SPINK5: variants seen among roughly 807,000 people sequenced by gnomAD.
SPINK5 encodes the protein serine peptidase inhibitor Kazal type 5, also known as serine protease inhibitor Kazal-type 5.
In SPINK5, 125 loss-of-function variants were observed where a neutral mutation model predicts 151.8. The observed-to-expected ratio is 0.82, with a 90% CI of 0.71 to 0.96. The LOEUF is 0.96. Among genes scored for constraint, SPINK5 ranks in the 40% least tolerant of loss-of-function variants. The probability of loss-of-function intolerance (pLI) is 0.00; values close to 1 mark genes in which losing one functional copy is unlikely to be tolerated. For missense variants in SPINK5, 1,194 were observed against 1,291.9 expected (o/e 0.92, Z 1.16); for synonymous variants, 374 against 395.3 (o/e 0.95, Z 0.64).
chr5:148,113,680 C>T (rs1238860297), intron 20 of SPINK5, among the ~76,000 whole-genome samples: 1 of 152,154 alleles, frequency 6.6e-6, no homozygotes, highest in Non-Finnish European at 1.5e-5. Context: ...AAAGAAGTAT[C>T]GCCCTGGAAC....
chr5:148,101,565 T>C, intron 14 of SPINK5, 129 bp downstream of exon 14: 1 of 1,024,390 alleles, frequency 9.8e-7, no homozygotes, highest in South Asian at 1.3e-5. Flanking sequence ...ATATGTGTTT[T>C]CATGTGTGCA....
At chr5:148,083,138 T>C (rs1753063822) in intron 4 of SPINK5, among the ~76,000 whole-genome samples, 1 of 151,512 alleles carries the variant, frequency 6.6e-6, no homozygotes, top group Non-Finnish European at 1.5e-5. Flanking sequence ...ATGATTGTTA[T>C]ACTTTCTTGT....
chr5:148,077,565 G>A (rs1467526572), intron 4 of SPINK5, among the ~76,000 whole-genome samples: 4 of 149,378 alleles, frequency 2.7e-5, no homozygotes, highest in Non-Finnish European at 6.0e-5. Context: ...TGAAAATTGA[G>A]TTAATCTCTT....
At chr5:148,119,865 G>A (rs950899474) in intron 24 of SPINK5, 144 bp from the exon 25 acceptor site, 16 of 809,866 alleles carry the variant, frequency 2.0e-5, no homozygotes, top group Middle Eastern at 3.6e-4. Context: ...GAACATAGAC[G>A]TCTCTCTCTG....
In SPINK5 at chr5:148,077,637, G is replaced by GTATATATATATATA. The variant is rs71001472; in HGVS notation, c.282+5427_282+5440dup. ...AACAATTATAATGCTGTTTTATCAG[G>GTATATATATATATA]TATATATATATATATATATATATGA... On this transcript the variant is annotated intron_variant, in intron 4 of 32. Coordinates refer to ENST00000256084, the MANE Select transcript of SPINK5 (RefSeq NM_006846.4). 8.6e-3 allele frequency among the ~76,000 whole-genome samples: 1,158 copies of GTATATATATATATA among 134,934 alleles called. 20 individuals are homozygous for GTATATATATATATA. Among genetic ancestry groups the GTATATATATATATA allele is most frequent in the African/African-American group, 0.025 (842 of 34,364 alleles). The allele number at this position is 134,934 out of a possible 152,430, so 88.5% of individuals were successfully genotyped here.
In SPINK5 at chr5:148,116,434, G is replaced by A. The variant is rs771330805; in HGVS notation, c.2080G>A (p.Gly694Ser). 2 of 1,613,970 alleles carry A rather than the reference G, an allele frequency of 1.2e-6. No individual in the cohort carries two copies. Among genetic ancestry groups the A allele is most frequent in the African/African-American group, 2.7e-5 (2 of 74,884 alleles). The change falls in exon 22 of 33, where the codon GGT becomes AGT. Residue 694 changes from glycine (G) to serine (S), a missense_variant. Transcript: ENST00000256084. ...EEDQRNAAGHGSSGGGGGNTQ... is the reference protein window; with the variant it reads ...EEDQRNAAGHSSSGGGGGNTQ... ...AGATCAGAGAAATGCTGCAGGACAT[G>A]GTTCCAGTGGTGGTGGAGGAGGAAA...
chr5:148,090,905 T>G (rs1753290341), intron 7 of SPINK5: 1 of 483,142 alleles, frequency 2.1e-6, no homozygotes, highest in Non-Finnish European at 3.7e-6. Context: ...TGAGTCAGTT[T>G]CACACCCTTT....
At chr5:148,124,402 A>T (rs1008445215) in intron 27 of SPINK5, among the ~76,000 whole-genome samples, 1 of 152,252 alleles carries the variant, frequency 6.6e-6, no homozygotes, top group East Asian at 1.9e-4. Context: ...AACAATCAAT[A>T]TTGTGAGTTT....
intron 31 of SPINK5, 58 bp from the exon 32 acceptor site, chr5:148,133,739 T>A: frequency 6.4e-7 from 1 of 1,570,440 alleles, no homozygotes; most frequent in Non-Finnish European, 8.8e-7. Flanking sequence ...TCCTTATTTA[T>A]TTTCTTATTA....
intron 30 of SPINK5, among the ~76,000 whole-genome samples, chr5:148,127,379 G>A (rs965382313): frequency 1.3e-5 from 2 of 152,164 alleles, no homozygotes; most frequent in Non-Finnish European, 2.9e-5. Flanking sequence ...ACATAGTCAG[G>A]TGCCTCAATT....
intron 4 of SPINK5, among the ~76,000 whole-genome samples, chr5:148,078,357 A>G (rs958804586): frequency 2.6e-5 from 4 of 151,178 alleles, no homozygotes; most frequent in South Asian, 2.1e-4. Context: ...AGGAATTTCA[A>G]TACTCCACTT....
chr5:148,125,150 C>T (rs1270298492), intron 28 of SPINK5, among the ~76,000 whole-genome samples: 1 of 152,270 alleles, frequency 6.6e-6, no homozygotes, highest in South Asian at 2.1e-4. Context: ...TTATCTTTGA[C>T]ACTTTAAGTG....
chr5:148,101,945 G>T, intron 15 of SPINK5, 37 bp downstream of exon 15: 1 of 1,612,646 alleles, frequency 6.2e-7, no homozygotes, highest in South Asian at 1.1e-5. Context: ...TCTGAGGATT[G>T]AGCAGTGGGA....
At chr5:148,126,113 T>C (rs1581108916) in intron 29 of SPINK5, among the ~76,000 whole-genome samples, 1 of 152,276 alleles carries the variant, frequency 6.6e-6, no homozygotes, top group East Asian at 1.9e-4. Context: ...AGCATCATAA[T>C]TAGAAGAAAT....
chr5:148,072,810 C>G (rs1474135108), intron 4 of SPINK5, among the ~76,000 whole-genome samples: 1 of 150,240 alleles, frequency 6.7e-6, no homozygotes, highest in Non-Finnish European at 1.5e-5. Flanking sequence ...TTGTTTATAT[C>G]TATTTTGCAG....
At chr5:148,116,126 C>T (rs1754081518) in intron 21 of SPINK5, among the ~76,000 whole-genome samples, 1 of 152,150 alleles carries the variant, frequency 6.6e-6, no homozygotes, top group Admixed American at 6.6e-5. Flanking sequence ...CAGCTTTACT[C>T]ACCTTGTCTT....
At chr5:148,111,635 G>A in intron 18 of SPINK5, 133 bp from the exon 19 acceptor site, 1 of 1,298,530 alleles carries the variant, frequency 7.7e-7, no homozygotes, top group South Asian at 1.2e-5. Context: ...AAAGCATTTT[G>A]GTTACTATCA....
chr5:148,098,779 G>A (rs11168020), intron 11 of SPINK5, among the ~76,000 whole-genome samples: 70,793 of 151,652 alleles, frequency 0.47, 17,287 homozygotes, highest in Admixed American at 0.59. Flanking sequence ...ATGGTCTTGA[G>A]GGAGGAGACC....
In SPINK5 at chr5:148,086,542, C is replaced by A. The variant is rs767428266; in HGVS notation, c.410+10C>A. On this transcript the variant is annotated intron_variant, in intron 5 of 32. Coordinates refer to ENST00000256084, the MANE Select transcript of SPINK5 (RefSeq NM_006846.4). ...TGTGTGCTGAGAATGCGTGAGTATT[C>A]TCTGAAGTAGGCTTTCTCCCTAAAA... 1 of 1,610,274 alleles carries A rather than the reference C, an allele frequency of 6.2e-7. No homozygotes were observed. The highest frequency in any genetic ancestry group is 1.7e-5 in the Admixed American group (1 of 59,840).
Sources: gnomAD v4.1 joint callset for allele counts (sites outside exome capture counted in the v4.1 genomes callset) on GRCh38, gnomAD v4.1.1 for gene constraint, MANE v1.5 for transcripts, NCBI Gene and HGNC (gene_info 2026-07-23, HGNC 2026-07-21) for gene names.